The following CAMTA1 variants were observed in gnomAD, a reference collection of about 807,000 sequenced individuals.
The protein encoded by CAMTA1 is calmodulin-binding transcription activator 1.
CAMTA1 carries 27 observed loss-of-function variants against 170.9 expected under a neutral mutation model. The observed-to-expected ratio is 0.16, with a 90% CI of 0.12 to 0.22. CAMTA1 has a LOEUF of 0.22. Ranked by LOEUF, CAMTA1 falls within the 10% of genes least tolerant of loss-of-function variation. The pLI is 1.00. For synonymous variants in CAMTA1, 833 were observed against 891.5 expected, an observed-to-expected ratio of 0.93 and a Z score of 1.17; for missense variants, 1,619 against 2,217.2, an observed-to-expected ratio of 0.73 and a Z score of 5.42.
intron 4 of CAMTA1, among the ~76,000 whole-genome samples, chr1:7,132,679 C>A (rs757251426): frequency 1.3e-5 from 2 of 152,090 alleles, no homozygotes; most frequent in African/African-American, 4.8e-5. Context: ...ATTCTGCATG[C>A]CTTTTATCCA....
intron 3 of CAMTA1, among the ~76,000 whole-genome samples, chr1:6,826,874 A>G (rs1235573799): frequency 1.3e-5 from 2 of 152,220 alleles, no homozygotes; most frequent in Non-Finnish European, 2.9e-5. Flanking sequence ...GATTATTTCC[A>G]TCAGTGGCTT....
At chr1:7,517,725 C>T (rs1462181105) in intron 6 of CAMTA1, among the ~76,000 whole-genome samples, 1 of 151,988 alleles carries the variant, frequency 6.6e-6, no homozygotes, top group Non-Finnish European at 1.5e-5. Context: ...ACCAACACAT[C>T]CTCTGTCTAC....
chr1:7,492,844 C>T (rs111063527), intron 6 of CAMTA1, among the ~76,000 whole-genome samples: 80,558 of 126,808 alleles, frequency 0.64, 27,030 homozygotes, highest in African/African-American at 0.82. Context: ...AACACGCACA[C>T]GCACAAACAC....
chr1:7,095,341 G>C (rs56126317), intron 4 of CAMTA1, among the ~76,000 whole-genome samples: 38,850 of 151,998 alleles, frequency 0.26, 5,248 homozygotes, highest in African/African-American at 0.33. Flanking sequence ...TGAAGGAAGG[G>C]ACCTGGTTTT....
At chr1:7,649,333 T>A (rs1419907652) in intron 7 of CAMTA1, among the ~76,000 whole-genome samples, 1 of 152,182 alleles carries the variant, frequency 6.6e-6, no homozygotes, top group Non-Finnish European at 1.5e-5. Context: ...CTGCGGGGCC[T>A]GGGAGTCATG....
rs2096207030 is a variant in CAMTA1, at chr1:7,681,680, T to C, written c.2914+3947T>C. On this transcript the variant is annotated intron_variant, in intron 11 of 22. Transcript: ENST00000303635. The surrounding 1 kb of genome is among the most constrained non-coding windows in gnomAD (Gnocchi z 4.6). ...GAGGATCTCTGGGAAATGTCACTTA[T>C]ACCTGTGATAGGTCCTATGGATACA... 6.6e-6 allele frequency among the ~76,000 whole-genome samples: 1 copy of C among 152,226 alleles called. No homozygotes were observed. Among genetic ancestry groups the C allele is most frequent in the Admixed American group, 6.5e-5 (1 of 15,280 alleles).
At chr1:7,656,710 C>T (rs1400555747) in intron 7 of CAMTA1, among the ~76,000 whole-genome samples, 6 of 152,242 alleles carry the variant, frequency 3.9e-5, no homozygotes, top group Non-Finnish European at 7.3e-5. Flanking sequence ...GAAGCCCCCA[C>T]GCCTTCCCCC....
At chr1:7,518,341 G>A (rs913727079) in intron 6 of CAMTA1, among the ~76,000 whole-genome samples, 24 of 151,966 alleles carry the variant, frequency 1.6e-4, no homozygotes, top group East Asian at 1.9e-4. Flanking sequence ...TGGCTCTTCT[G>A]TTCCCTCCAC....
intron 6 of CAMTA1, among the ~76,000 whole-genome samples, chr1:7,488,102 C>CCTCTCTAGAAT (rs1454270763): frequency 4.6e-5 from 7 of 152,172 alleles, no homozygotes; most frequent in Non-Finnish European, 1.0e-4. Context: ...CTCTCTAGAA[C>CCTCTCTAGAAT]CTCTCTAGAA....
chr1:7,533,426 C>G (rs2094514005), intron 6 of CAMTA1, among the ~76,000 whole-genome samples: 1 of 152,224 alleles, frequency 6.6e-6, no homozygotes, highest in African/African-American at 2.4e-5. Context: ...TACTCTTGAC[C>G]TCTGATAGCT....
At chr1:7,743,890 G>A (rs1377779701) in intron 16 of CAMTA1, among the ~76,000 whole-genome samples, 8 of 150,216 alleles carry the variant, frequency 5.3e-5, no homozygotes, top group African/African-American at 1.7e-4. Context: ...GCAGTGGCGC[G>A]ATCTTGGCTT....
At position 7,584,619 on chromosome 1, in the gene CAMTA1, C is replaced by T. The variant is rs188716035; in HGVS notation, c.511-55781C>T. Among the ~76,000 whole-genome samples, 16 of 152,294 alleles carry T rather than the reference C, an allele frequency of 1.1e-4. No homozygotes were observed. The East Asian group carries it at 2.3e-3, about 22-fold the overall frequency. ...TAGACACCACTGGATGCTGGGTATG[C>T]AGCAGAGAACAGAAGAACAGGGGTT... On this transcript the variant is annotated intron_variant, in intron 6 of 22. Coordinates refer to ENST00000303635, the MANE Select transcript of CAMTA1 (RefSeq NM_015215.4).
rs2094830738 is a variant in CAMTA1, at chr1:7,553,231, GGGAATGAATGAATGAGGGAATGAATGAA to G, written c.510+85331_510+85358del. On this transcript the variant is annotated intron_variant, in intron 6 of 22. Transcript: ENST00000303635. The stretch of plus-strand genomic sequence containing the variant: ...AGTGAATAAGTGAGTGAATGAATGA[GGGAATGAATGAATGAGGGAATGAATGAA>G]TGAGTGAATAATTGAGTGAGTGAAT... 3.0e-4 allele frequency among the ~76,000 whole-genome samples: 4 copies of G among 13,148 alleles called. No individual in the cohort carries two copies. The African/African-American group carries it at 3.2e-3, about 10-fold the overall frequency. The allele number at this position is 13,148 out of a possible 152,430, so 8.6% of individuals were successfully genotyped here.
intron 4 of CAMTA1, among the ~76,000 whole-genome samples, chr1:7,239,976 A>G (rs111499065): frequency 2.0e-5 from 3 of 152,286 alleles, no homozygotes; most frequent in Non-Finnish European, 4.4e-5. Flanking sequence ...ACGTTAATCC[A>G]TTCATGACCT....
chr1:7,235,918 T>C (rs981068222), intron 4 of CAMTA1, among the ~76,000 whole-genome samples: 2 of 152,224 alleles, frequency 1.3e-5, no homozygotes, highest in African/African-American at 4.8e-5. Flanking sequence ...ACCTTCTCCT[T>C]GTCCTTATTA....
chr1:7,657,058 C>T (rs994311683), intron 7 of CAMTA1, among the ~76,000 whole-genome samples: 6 of 152,218 alleles, frequency 3.9e-5, no homozygotes, highest in African/African-American at 1.2e-4. Flanking sequence ...ACGGGGCAGC[C>T]GCAGGGCTTC....
intron 5 of CAMTA1, among the ~76,000 whole-genome samples, chr1:7,358,538 A>C (rs2085300765): frequency 7.2e-6 from 1 of 138,774 alleles, no homozygotes; most frequent in African/African-American, 2.7e-5. Flanking sequence ...GCGTCCCTGC[A>C]TGCCCCGCGC....
rs368431146 is a variant in CAMTA1 at position 7,284,883 on chromosome 1, C to T, written c.438+35257C>T. Among the ~76,000 whole-genome samples, 52 of 152,338 alleles carry T rather than the reference C, an allele frequency of 3.4e-4. 2 individuals carry two copies. In the South Asian group the frequency reaches 0.01, roughly 30 times the overall value. On this transcript the variant is annotated intron_variant, in intron 5 of 22. Coordinates refer to ENST00000303635, the MANE Select transcript of CAMTA1 (RefSeq NM_015215.4). ...CCACTTCTCCCTGGTGTCTGGTACT[C>T]CTTCCTAGAGAATCCACAGAACTCG...
intron 5 of CAMTA1, among the ~76,000 whole-genome samples, chr1:7,328,447 A>G (rs1411988549): frequency 6.6e-6 from 1 of 152,156 alleles, no homozygotes; most frequent in Non-Finnish European, 1.5e-5. Context: ...GTGAGCTGAG[A>G]TCCTGTCACT....
Sources: gnomAD v4.1 joint callset for allele counts (sites outside exome capture counted in the v4.1 genomes callset) on GRCh38, gnomAD v4.1.1 for gene constraint, Gnocchi (gnomAD v3.1) non-coding constraint, MANE v1.5 for transcripts, NCBI Gene and HGNC (gene_info 2026-07-23, HGNC 2026-07-21) for gene names.